Variants in RAD51B observed in about 807,000 individuals in gnomAD.
RAD51B encodes the protein RAD51 paralog B.
In RAD51B, 38 loss-of-function variants were observed where a neutral mutation model predicts 42.2. The ratio of observed to expected loss-of-function variants is 0.90; its 90% CI spans 0.70 to 1.18. RAD51B has a LOEUF of 1.18. Ranked by LOEUF, RAD51B falls within the 50% of genes most tolerant of loss-of-function variation. The pLI, the probability that RAD51B is intolerant of heterozygous loss-of-function variation, is 0.00. For missense variants in RAD51B, 373 were observed against 400.7 expected (o/e 0.93, Z 0.59); for synonymous variants, 154 against 145.2 (o/e 1.06, Z -0.43).
chr14:67,856,434 T>C (rs1363278181), intron 4 of RAD51B, among the ~76,000 whole-genome samples: 1 of 152,110 alleles, frequency 6.6e-6, no homozygotes, highest in East Asian at 1.9e-4. Context: ...ATTTTGTAGG[T>C]CTGAAGACCT....
intron 9 of RAD51B, among the ~76,000 whole-genome samples, chr14:68,438,583 A>G (rs1008647612): frequency 6.6e-6 from 1 of 152,170 alleles, no homozygotes; most frequent in East Asian, 1.9e-4. Context: ...ATAATTGCAC[A>G]GAATCTTTAG....
intron 7 of RAD51B, among the ~76,000 whole-genome samples, chr14:68,151,917 C>T (rs2078396364): frequency 6.8e-6 from 1 of 146,042 alleles, no homozygotes; most frequent in Non-Finnish European, 1.5e-5. Flanking sequence ...GATCTTGGCT[C>T]ACCACAACCT....
intron 10 of RAD51B, among the ~76,000 whole-genome samples, chr14:68,494,146 G>A (rs1311044001): frequency 6.6e-6 from 1 of 152,098 alleles, no homozygotes; most frequent in South Asian, 2.1e-4. Flanking sequence ...TGGGCATGGT[G>A]GCACATGCCT....
chr14:68,474,245 A>G (rs930200728), intron 10 of RAD51B, among the ~76,000 whole-genome samples: 7 of 151,276 alleles, frequency 4.6e-5, no homozygotes, highest in East Asian at 1.9e-4. Context: ...TCCATTTACT[A>G]TATCTTCCCA....
downstream of RAD51B, among the ~76,000 whole-genome samples, chr14:68,600,062 C>T (rs1432136298): frequency 6.6e-6 from 1 of 152,224 alleles, no homozygotes; most frequent in Non-Finnish European, 1.5e-5. Context: ...ACCCTGTCCC[C>T]CTACAGGACT....
chr14:68,515,404 T>G (rs1297562929), intron 10 of RAD51B, among the ~76,000 whole-genome samples: 2 of 151,228 alleles, frequency 1.3e-5, no homozygotes, highest in African/African-American at 4.9e-5. Context: ...TTCAGACATA[T>G]GGACCAATAA....
chr14:67,932,942 G>T (rs2140161996), intron 7 of RAD51B, among the ~76,000 whole-genome samples: 1 of 152,244 alleles, frequency 6.6e-6, no homozygotes, highest in East Asian at 1.9e-4. Flanking sequence ...CGGCTGTAGT[G>T]GTGTGCAGAG....
chr14:67,861,341 A>G (rs2042155535), intron 4 of RAD51B, among the ~76,000 whole-genome samples: 1 of 151,762 alleles, frequency 6.6e-6, no homozygotes, highest in Non-Finnish European at 1.5e-5. Flanking sequence ...GAATCATTGA[A>G]CTTAAAAGAT....
At chr14:68,605,173 A>T (rs942573670) in intron 10 of RAD51B, among the ~76,000 whole-genome samples, 6 of 152,222 alleles carry the variant, frequency 3.9e-5, no homozygotes, top group Admixed American at 3.9e-4. Context: ...GGATCCGAGA[A>T]GTCCAAAATC....
At chr14:68,107,125 A>G (rs976135622) in intron 7 of RAD51B, among the ~76,000 whole-genome samples, 1 of 151,852 alleles carries the variant, frequency 6.6e-6, no homozygotes. Flanking sequence ...ACTGGTATAA[A>G]CATGCTTGGC....
At chr14:68,087,868 TATATTATTTATA>T (rs2077011605) in intron 7 of RAD51B, among the ~76,000 whole-genome samples, 1 of 81,328 alleles carries the variant, frequency 1.2e-5, no homozygotes, top group African/African-American at 6.9e-5. Flanking sequence ...AATTATATAA[TATATTATTTATA>T]TAATTATATA....
downstream of RAD51B, among the ~76,000 whole-genome samples, chr14:68,478,511 C>G (rs1566906652): frequency 1.3e-5 from 2 of 152,150 alleles, no homozygotes; most frequent in Non-Finnish European, 1.5e-5. Flanking sequence ...GAACACCCAG[C>G]CTACACACTC....
chr14:67,978,276 T>A (rs2075030787), intron 7 of RAD51B, among the ~76,000 whole-genome samples: 2 of 152,184 alleles, frequency 1.3e-5, no homozygotes, highest in Non-Finnish European at 2.9e-5. Context: ...ATTAGAGAAA[T>A]TAAGAAAGTG....
At position 68,048,921 on chromosome 14, in the gene RAD51B, C is replaced by T. The variant is rs192513442; in HGVS notation, c.756+161717C>T. Among the ~76,000 whole-genome samples, 1,055 of 152,184 alleles carry T rather than the reference C, an allele frequency of 6.9e-3. 11 individuals carry two copies. Among genetic ancestry groups the T allele is most frequent in the African/African-American group, 0.024 (985 of 41,516 alleles). The stretch of plus-strand genomic sequence containing the variant: ...GACACATGCACAGATATGTTTATTG[C>T]GGTACTATTCACAATAGCAAAGACT... On this transcript the variant is annotated intron_variant, in intron 7 of 10. Coordinates refer to ENST00000471583, the MANE Select transcript of RAD51B (RefSeq NM_133510.4).
At chr14:68,605,102 T>G (rs1479454691) in intron 10 of RAD51B, among the ~76,000 whole-genome samples, 1 of 152,214 alleles carries the variant, frequency 6.6e-6, no homozygotes, top group Non-Finnish European at 1.5e-5. Context: ...ATTAGTTTCT[T>G]ATAAGGCTGA....
chr14:67,870,819 C>A (rs1324428143), intron 5 of RAD51B, among the ~76,000 whole-genome samples: 1 of 118,732 alleles, frequency 8.4e-6, no homozygotes, highest in Admixed American at 8.1e-5. Flanking sequence ...AACTGAACAA[C>A]CTGCTCCTGA....
intron 10 of RAD51B, among the ~76,000 whole-genome samples, chr14:68,561,624 G>A (rs1889152349): frequency 6.6e-6 from 1 of 152,224 alleles, no homozygotes. Flanking sequence ...TGGCTTCTCA[G>A]GGACCAGCAG....
At chr14:68,146,937 G>T (rs2078264340) in intron 7 of RAD51B, among the ~76,000 whole-genome samples, 2 of 152,054 alleles carry the variant, frequency 1.3e-5, no homozygotes, top group African/African-American at 4.8e-5. Context: ...GAGGGATATT[G>T]GATAATCAAA....
chr14:68,633,404 T>C (rs1302482044), intron 10 of RAD51B, among the ~76,000 whole-genome samples: 1 of 152,092 alleles, frequency 6.6e-6, no homozygotes, highest in Non-Finnish European at 1.5e-5. Flanking sequence ...AGAATACGCC[T>C]TCCCCCAAAC....
Sources: allele counts gnomAD v4.1 joint callset (sites outside exome capture counted in the v4.1 genomes callset), GRCh38; gene constraint gnomAD v4.1.1; transcripts MANE v1.5; gene names NCBI Gene and HGNC (gene_info 2026-07-23, HGNC 2026-07-21).